ERG: variants seen among roughly 807,000 people sequenced by gnomAD.
ERG encodes the protein ETS transcription factor ERG, also known as transcriptional regulator ERG.
A neutral mutation model predicts 55.3 loss-of-function variants in ERG; 9 were observed. The ratio of observed to expected loss-of-function variants is 0.16; its 90% CI spans 0.10 to 0.28. ERG has a LOEUF of 0.28. Among genes scored for constraint, ERG ranks in the 10% least tolerant of loss-of-function variants. ERG has a pLI of 1.00. For missense variants in ERG, 434 were observed against 631.6 expected, an observed-to-expected ratio of 0.69 and a Z score of 3.35; for synonymous variants, 223 against 237.3, an observed-to-expected ratio of 0.94 and a Z score of 0.55.
intron 1 of ERG, among the ~76,000 whole-genome samples, chr21:38,613,071 T>C (rs2146931456): frequency 6.6e-6 from 1 of 152,366 alleles, no homozygotes; most frequent in South Asian, 2.1e-4. Flanking sequence ...CTCCATTTGT[T>C]TGCTGATTCT....
At chr21:38,431,261 G>A (rs1454151905) in intron 2 of ERG, among the ~76,000 whole-genome samples, 1 of 152,174 alleles carries the variant, frequency 6.6e-6, no homozygotes, top group African/African-American at 2.4e-5. Context: ...GAATCAGAGG[G>A]CTGGAAGAAG....
chr21:38,461,111 G>T (rs756509499), intron 1 of ERG, among the ~76,000 whole-genome samples: 1 of 152,140 alleles, frequency 6.6e-6, no homozygotes, highest in Admixed American at 6.5e-5. Context: ...AATGTACCAC[G>T]GACTGAGGGG....
intron 2 of ERG, among the ~76,000 whole-genome samples, chr21:38,433,954 C>T (rs555526422): frequency 4.6e-5 from 7 of 152,248 alleles, no homozygotes; most frequent in Admixed American, 3.9e-4. Flanking sequence ...GACTTTCCAA[C>T]CCCTTGTTCT....
intron 3 of ERG, among the ~76,000 whole-genome samples, chr21:38,422,977 A>G (rs1989613428): frequency 6.6e-6 from 1 of 152,128 alleles, no homozygotes; most frequent in Non-Finnish European, 1.5e-5. Flanking sequence ...CTCCCTAGAA[A>G]GGTCACCTTT....
intron 9 of ERG, among the ~76,000 whole-genome samples, chr21:38,385,075 C>T (rs1402145648): frequency 2.0e-5 from 3 of 152,168 alleles, no homozygotes; most frequent in Non-Finnish European, 4.4e-5. Flanking sequence ...TCAGAATTTT[C>T]TTGATTTCAT....
chr21:38,601,907 T>C (rs560784884), intron 1 of ERG, among the ~76,000 whole-genome samples: 1 of 152,264 alleles, frequency 6.6e-6, no homozygotes, highest in African/African-American at 2.4e-5. Flanking sequence ...TTTGAGATGG[T>C]GTCTCCCTCT....
chr21:38,640,618 GCCA>G (rs1277761033), intron 1 of ERG, among the ~76,000 whole-genome samples: 2 of 152,230 alleles, frequency 1.3e-5, no homozygotes, highest in Admixed American at 1.3e-4. Context: ...CTTGCCTGCC[GCCA>G]TGTAAGATGT....
At chr21:38,596,958 A>G (rs979521860) in intron 1 of ERG, among the ~76,000 whole-genome samples, 1 of 152,196 alleles carries the variant, frequency 6.6e-6, no homozygotes, top group African/African-American at 2.4e-5. Flanking sequence ...AGTCTCCCCA[A>G]AAAGCACTGA....
At chr21:38,490,365 C>T (rs1473250565) in intron 1 of ERG, among the ~76,000 whole-genome samples, 3 of 152,152 alleles carry the variant, frequency 2.0e-5, no homozygotes, top group East Asian at 3.8e-4. Flanking sequence ...GATTGAGGAG[C>T]TTATGTGTGC....
chr21:38,487,078 G>T (rs1431837758), intron 1 of ERG, among the ~76,000 whole-genome samples: 4 of 151,242 alleles, frequency 2.6e-5, no homozygotes, highest in African/African-American at 9.7e-5. Flanking sequence ...AAGGAAAATG[G>T]GCCTTAATTT....
intron 2 of ERG, among the ~76,000 whole-genome samples, chr21:38,430,576 C>CT (rs1990156395): frequency 6.6e-6 from 1 of 152,190 alleles, no homozygotes; most frequent in African/African-American, 2.4e-5. Context: ...CAAGAGTAAA[C>CT]AGGAGCTGGG....
At position 38,460,355 on chromosome 21, in the gene ERG, G is replaced by A. The variant is rs571411664; in HGVS notation, c.19-14734C>T. On this transcript the variant is annotated intron_variant, in intron 1 of 9. Transcript: ENST00000288319. The surrounding 1 kb of genome is among the most constrained non-coding windows in gnomAD (Gnocchi z 5.0). Reference sequence around the variant, plus strand: ...CTAGCCGTCTTGGCTAAAAGCCCGGGAATTGTCTTCTTCTGTGTTGCACTA... The same window carrying A: ...CTAGCCGTCTTGGCTAAAAGCCCGGAAATTGTCTTCTTCTGTGTTGCACTA... Among the ~76,000 whole-genome samples, 4 of 152,308 alleles carry A rather than the reference G, an allele frequency of 2.6e-5. No individual in the cohort carries two copies. Among genetic ancestry groups the A allele is most frequent in the Admixed American group, 2.6e-4 (4 of 15,302 alleles).
chr21:38,456,903 T>A (rs1380597912), intron 1 of ERG, among the ~76,000 whole-genome samples: 1 of 152,178 alleles, frequency 6.6e-6, no homozygotes, highest in African/African-American at 2.4e-5. Context: ...AGCTCATGCT[T>A]TTCCTATGAC....
At chr21:38,517,757 A>G (rs1473055201) in intron 2 of ERG, among the ~76,000 whole-genome samples, 2 of 152,132 alleles carry the variant, frequency 1.3e-5, no homozygotes, top group Admixed American at 6.5e-5. Flanking sequence ...ACATATACAC[A>G]ATGGAATACT....
rs951662110 is a variant in ERG at position 38,445,543 on chromosome 21, T to C, written c.97A>G (p.Met33Val). Reference protein sequence around the residue: ...YGTPHLAKTEMTASSSSDYGQ... With the variant: ...YGTPHLAKTEVTASSSSDYGQ... Reference sequence around the variant, plus strand: ...TAGTCGCTGGAGGAGGACGCGGTCATCTCTGTCTTAGCCAGGTGTGGCGTT... The same window carrying C: ...TAGTCGCTGGAGGAGGACGCGGTCACCTCTGTCTTAGCCAGGTGTGGCGTT... Residue 33 changes from methionine (M) to valine (V), a missense_variant, in exon 2 of 10, where the codon ATG (methionine) becomes GTG (valine). Around this residue, in one of 5 missense-constraint regions of ERG, gnomAD observed 212 missense variants for 262.9 expected, o/e 0.81. Coordinates refer to ENST00000288319, the MANE Select transcript of ERG (RefSeq NM_182918.4). The C allele has an allele frequency of 5.0e-5, 81 of 1,614,090 alleles. No homozygotes were observed. Among genetic ancestry groups the C allele is most frequent in the Non-Finnish European group, 6.7e-5 (79 of 1,180,030 alleles).
chr21:38,471,872 A>T (rs994598893), intron 1 of ERG: 21 of 152,206 alleles, frequency 1.4e-4, no homozygotes, highest in African/African-American at 4.3e-4. Context: ...TACGGTTTAG[A>T]TTGGGAAGGT....
At chr21:38,622,151 C>T (rs2060294586) in intron 1 of ERG, among the ~76,000 whole-genome samples, 1 of 152,190 alleles carries the variant, frequency 6.6e-6, no homozygotes, top group African/African-American at 2.4e-5. Context: ...ACCACACAGG[C>T]CTTCATTCAG....
At chr21:38,406,563 A>G (rs1988783188) in intron 3 of ERG, among the ~76,000 whole-genome samples, 1 of 152,002 alleles carries the variant, frequency 6.6e-6, no homozygotes. Flanking sequence ...CCCCCATCCT[A>G]CCCAAGTCAT....
chr21:38,569,170 C>G (rs371464813), intron 2 of ERG, among the ~76,000 whole-genome samples: 2 of 150,578 alleles, frequency 1.3e-5, no homozygotes, highest in Admixed American at 6.6e-5. Flanking sequence ...TTCTCTCCCT[C>G]CCCCCCCACC....
Sources: allele counts gnomAD v4.1 joint callset (sites outside exome capture counted in the v4.1 genomes callset), GRCh38; gene constraint gnomAD v4.1.1; regional missense constraint gnomAD v4.1.1; non-coding constraint Gnocchi (gnomAD v3.1); transcripts MANE v1.5; gene names NCBI Gene and HGNC (gene_info 2026-07-23, HGNC 2026-07-21).